Variants in DRC8 observed in about 807,000 individuals in gnomAD.
DRC8 encodes dynein regulatory complex subunit 8, also known as dynein regulatory complex protein 8.
At chr1:245,049,336 CTG>C in the DRC8 span, among the ~76,000 whole-genome samples, 4 of 152,302 alleles carry the variant, frequency 2.6e-5, no homozygotes, top group South Asian at 8.3e-4. The surrounding 1 kb of genome is among the most constrained non-coding windows in gnomAD (Gnocchi z 4.5). Flanking sequence ...GCCACAGTGT[CTG>C]TGTGTGCTCT....
At chr1:245,029,245 G>GCCATTTCTGTATCTTT in the DRC8 span, among the ~76,000 whole-genome samples, 1 of 152,306 alleles carries the variant, frequency 6.6e-6, no homozygotes, top group East Asian at 1.9e-4. Flanking sequence ...AATAAAGAAG[G>GCCATTTCTGTATCTTT]CCATTTCTGT....
the DRC8 span, among the ~76,000 whole-genome samples, chr1:245,024,245 C>A: frequency 5.9e-5 from 9 of 152,000 alleles, no homozygotes; most frequent in African/African-American, 2.2e-4. Flanking sequence ...TACTAATGGA[C>A]GTTTAAGTTG....
the DRC8 span, chr1:244,970,298 C>A: frequency 1.1e-6 from 1 of 872,846 alleles, no homozygotes; most frequent in Non-Finnish European, 1.8e-6. Context: ...GGGTCTTCCT[C>A]CCCCGGGATT....
chr1:245,000,261 C>T, the DRC8 span, among the ~76,000 whole-genome samples: 12 of 152,206 alleles, frequency 7.9e-5, no homozygotes, highest in Admixed American at 7.2e-4. Flanking sequence ...ACTGTACTCA[C>T]CCTTCTTGTG....
the DRC8 span, among the ~76,000 whole-genome samples, chr1:244,998,530 G>A: frequency 5.2e-4 from 79 of 152,174 alleles, no homozygotes; most frequent in East Asian, 0.014. Flanking sequence ...ATATAATACC[G>A]GTGTTGGATC....
the DRC8 span, among the ~76,000 whole-genome samples, chr1:245,081,765 G>A: frequency 3.9e-5 from 6 of 152,136 alleles, no homozygotes; most frequent in Non-Finnish European, 7.3e-5. Flanking sequence ...CACCACGCCC[G>A]GCCGAGTGTT....
At chr1:245,112,015 CA>C in the DRC8 span, among the ~76,000 whole-genome samples, 3 of 152,178 alleles carry the variant, frequency 2.0e-5, no homozygotes, top group Admixed American at 2.0e-4. Flanking sequence ...GCCTGGGTGA[CA>C]GAGCAAGATC....
At chr1:245,084,411 T>C in the DRC8 span, among the ~76,000 whole-genome samples, 3 of 152,122 alleles carry the variant, frequency 2.0e-5, no homozygotes, top group Non-Finnish European at 4.4e-5. Context: ...GTAGCCTCAA[T>C]TGAATACTGA....
the DRC8 span, among the ~76,000 whole-genome samples, chr1:245,090,270 G>C: frequency 6.6e-6 from 1 of 152,160 alleles, no homozygotes; most frequent in Admixed American, 6.5e-5. Context: ...GAGAGGGCTC[G>C]GGGCCCTAAA....
the DRC8 span, among the ~76,000 whole-genome samples, chr1:245,011,837 G>A: frequency 6.6e-6 from 1 of 152,186 alleles, no homozygotes; most frequent in Non-Finnish European, 1.5e-5. Context: ...CACTATAAAT[G>A]ACCATATAGA....
At chr1:245,021,602 A>T in the DRC8 span, among the ~76,000 whole-genome samples, 11 of 151,988 alleles carry the variant, frequency 7.2e-5, no homozygotes, top group South Asian at 2.1e-4. Flanking sequence ...CGCCCATCTA[A>T]TTTTTGTATT....
the DRC8 span, among the ~76,000 whole-genome samples, chr1:245,051,996 A>G: frequency 6.6e-6 from 1 of 152,214 alleles, no homozygotes; most frequent in Non-Finnish European, 1.5e-5. Flanking sequence ...GTGATCGTGC[A>G]GTTCACATCT....
chr1:245,055,787 C>T, the DRC8 span, among the ~76,000 whole-genome samples: 1 of 152,206 alleles, frequency 6.6e-6, no homozygotes, highest in South Asian at 2.1e-4. Context: ...CTTCTTGCCG[C>T]TCGCTGCCTA....
At chr1:245,020,062 G>A in the DRC8 span, among the ~76,000 whole-genome samples, 2 of 151,946 alleles carry the variant, frequency 1.3e-5, no homozygotes, top group Admixed American at 6.6e-5. Context: ...GACGCCCCCC[G>A]CCCCCAGGCA....
the DRC8 span, among the ~76,000 whole-genome samples, chr1:244,983,319 T>G: frequency 6.6e-6 from 1 of 152,238 alleles, no homozygotes; most frequent in Non-Finnish European, 1.5e-5. Flanking sequence ...GAATATGGTT[T>G]TATGTCCAGC....
chr1:244,971,315 C>T, the DRC8 span, among the ~76,000 whole-genome samples: 1 of 152,262 alleles, frequency 6.6e-6, no homozygotes, highest in South Asian at 2.1e-4. Flanking sequence ...TCCCAGGGGA[C>T]CACCCAGCCC....
chr1:245,002,276 T>A, the DRC8 span: 1 of 1,504,774 alleles, frequency 6.6e-7, no homozygotes, highest in African/African-American at 1.4e-5. Context: ...TGTCAATCGC[T>A]TAACCATCTC....
chr1:244,971,898 A>G, the DRC8 span, among the ~76,000 whole-genome samples: 1 of 152,016 alleles, frequency 6.6e-6, no homozygotes, highest in Non-Finnish European at 1.5e-5. Flanking sequence ...CTTACATACA[A>G]AGAAAAGGAT....
the DRC8 span, chr1:245,082,014 C>T: frequency 1.5e-6 from 2 of 1,326,512 alleles, no homozygotes; most frequent in Non-Finnish European, 2.2e-6. Context: ...TGGCACAGTG[C>T]TTGGAACAAC....
Sources: gnomAD v4.1 joint callset for allele counts (sites outside exome capture counted in the v4.1 genomes callset) on GRCh38, gnomAD v4.1.1 for gene constraint, Gnocchi (gnomAD v3.1) non-coding constraint, MANE v1.5 for transcripts, NCBI Gene and HGNC (gene_info 2026-07-23, HGNC 2026-07-21) for gene names.